The following RTN4 variants were observed in gnomAD, a reference collection of about 807,000 sequenced individuals.
The protein encoded by RTN4 is reticulon 4.
In RTN4, 32 loss-of-function variants were observed where a neutral mutation model predicts 90.4. The observed-to-expected ratio is 0.35, with a 90% CI of 0.27 to 0.48. RTN4 has a LOEUF of 0.48. Among genes scored for constraint, RTN4 ranks in the 20% least tolerant of loss-of-function variants. The probability of loss-of-function intolerance (pLI) is 0.99; values close to 1 mark genes in which losing one functional copy is unlikely to be tolerated. For missense variants in RTN4, 1,706 were observed against 1,430.2 expected (o/e 1.19, Z -3.11); for synonymous variants, 629 against 552.5 (o/e 1.14, Z -1.94).
intron 1 of RTN4, among the ~76,000 whole-genome samples, chr2:55,048,343 AT>A (rs1667887549): frequency 6.6e-6 from 1 of 152,186 alleles, no homozygotes; most frequent in South Asian, 2.1e-4. Flanking sequence ...TTATCTTTAG[AT>A]ATATTTTTTC....
chr2:55,052,667 G>T (rs1415247794), upstream of RTN4, among the ~76,000 whole-genome samples: 2 of 152,134 alleles, frequency 1.3e-5, no homozygotes, highest in Non-Finnish European at 2.9e-5. Flanking sequence ...GACTACAAGA[G>T]ACATATTTGA....
chr2:55,046,704 T>C (rs189581264), intron 1 of RTN4: 1 of 152,342 alleles, frequency 6.6e-6, no homozygotes, highest in African/African-American at 2.4e-5. Context: ...TCTTGGTAGG[T>C]AATCAATAAT....
At chr2:55,125,951 C>T in the RTN4 span, among the ~76,000 whole-genome samples, 1 of 150,914 alleles carries the variant, frequency 6.6e-6, no homozygotes, top group South Asian at 2.1e-4. Flanking sequence ...GTCCCAGCTA[C>T]TTGGGAGGCC....
At chr2:54,974,802 T>G (rs779895287) in intron 5 of RTN4, 38 bp from the exon 6 acceptor site, 1 of 1,558,146 alleles carries the variant, frequency 6.4e-7, no homozygotes, top group African/African-American at 1.4e-5. Flanking sequence ...TAAACAAAAT[T>G]CAAGTAAAGT....
chr2:55,066,889 A>G (rs980786443), intron 2 of RTN4, among the ~76,000 whole-genome samples: 2 of 152,132 alleles, frequency 1.3e-5, no homozygotes, highest in African/African-American at 4.8e-5. Context: ...GGTATATGAA[A>G]ACACTCATTT....
intron 3 of RTN4, among the ~76,000 whole-genome samples, chr2:55,017,832 A>G (rs1183537882): frequency 6.6e-6 from 1 of 152,188 alleles, no homozygotes; most frequent in African/African-American, 2.4e-5. Flanking sequence ...ACATCTTAAG[A>G]TGTCAAGAAA....
intron 2 of RTN4, among the ~76,000 whole-genome samples, chr2:55,064,953 C>T (rs1668363890): frequency 1.3e-5 from 2 of 152,032 alleles, no homozygotes; most frequent in African/African-American, 4.8e-5. Context: ...AAATTAATAG[C>T]TTTAATTTTC....
chr2:55,103,179 A>T (rs1454721209), intron 1 of RTN4, among the ~76,000 whole-genome samples: 1 of 152,068 alleles, frequency 6.6e-6, no homozygotes, highest in African/African-American at 2.4e-5. Context: ...TGAGTTTTAA[A>T]AGGATGCACC....
At chr2:55,080,404 T>C (rs1275843155) in intron 2 of RTN4, 11 of 152,010 alleles carry the variant, frequency 7.2e-5, no homozygotes, top group Admixed American at 7.2e-4. Context: ...GGTGGCAGTC[T>C]TGAGCAAAAT....
rs202189971 is a variant in RTN4 at position 54,972,578 on chromosome 2, G to C, written c.*578C>G. On this transcript the variant is annotated 3_prime_UTR_variant, in exon 9 of 9. Transcript: ENST00000337526. Reference sequence around the variant, plus strand: ...CACTGTGGGGTGGCTGGAAGGTAAAGGTCTAAGCTTTGTGAAACACTATAC... The same window carrying C: ...CACTGTGGGGTGGCTGGAAGGTAAACGTCTAAGCTTTGTGAAACACTATAC... 3 of 152,694 alleles carry C rather than the reference G, an allele frequency of 2.0e-5. No homozygotes were observed. The highest frequency in any genetic ancestry group is 4.2e-4 in the South Asian group (2 of 4,818). 9.5% of individuals were successfully genotyped at this position (152,694 alleles called of 1,614,324 possible). A position where few individuals can be genotyped will look rare whatever the true frequency, so the allele number is the denominator to read the frequency against.
chr2:55,049,621 C>T lies in RTN4; in HGVS notation c.556+124G>A, dbSNP rs1283247497. The T allele has an allele frequency of 4.7e-6, 7 of 1,485,918 alleles. 1 individual carries two copies. Among genetic ancestry groups the T allele is most frequent in the Non-Finnish European group, 6.4e-6 (7 of 1,092,346 alleles). The allele number at this position is 1,485,918 out of a possible 1,614,324, so 92.0% of individuals were successfully genotyped here. A position where few individuals can be genotyped will look rare whatever the true frequency, so the allele number is the denominator to read the frequency against. On this transcript the variant is annotated intron_variant, in intron 1 of 8. Transcript: ENST00000337526. ...TCCAACCAGACGGGGCGCCATCGCCCCGAAGTCCGCAGACAAAGCGCCCTC... is the reference window on the plus strand; with the variant it reads ...TCCAACCAGACGGGGCGCCATCGCCTCGAAGTCCGCAGACAAAGCGCCCTC...
the RTN4 span, among the ~76,000 whole-genome samples, chr2:55,127,671 T>C: frequency 6.6e-6 from 1 of 152,216 alleles, no homozygotes; most frequent in Non-Finnish European, 1.5e-5. Context: ...GCTCACTGAT[T>C]GGCTCACAGT....
upstream of RTN4, among the ~76,000 whole-genome samples, chr2:55,112,961 A>G (rs1668064431): frequency 6.6e-6 from 1 of 152,216 alleles, no homozygotes; most frequent in South Asian, 2.1e-4. Flanking sequence ...CTCTCTAGAC[A>G]CATGACAACA....
At chr2:55,109,239 T>A (rs771751297) in intron 1 of RTN4, among the ~76,000 whole-genome samples, 5 of 152,136 alleles carry the variant, frequency 3.3e-5, no homozygotes, top group Non-Finnish European at 5.9e-5. Flanking sequence ...AGCCATAATT[T>A]TTAGAACCCA....
intron 3 of RTN4, among the ~76,000 whole-genome samples, chr2:55,013,148 A>G (rs1573379830): frequency 6.6e-6 from 1 of 152,294 alleles, no homozygotes; most frequent in Middle Eastern, 3.4e-3. Context: ...GCAAGCCAAT[A>G]AAAGTGTTGT....
chr2:55,012,990 A>G (rs1209540617), intron 3 of RTN4, among the ~76,000 whole-genome samples: 1 of 152,204 alleles, frequency 6.6e-6, no homozygotes, highest in Non-Finnish European at 1.5e-5. Flanking sequence ...ACTTTTAAAA[A>G]AATTAATTCT....
Position 54,973,118 on chromosome 2 carries a change from C to T in RTN4, c.*38G>A. The stretch of plus-strand genomic sequence containing the variant: ...CCCCGTATAATCAAATGAATATCCC[C>T]TTTAAAGATGAACTCCTACTAATTA... On this transcript the variant is annotated 3_prime_UTR_variant, in exon 9 of 9. Transcript: ENST00000337526. 6.4e-7 allele frequency: 1 copy of T among 1,569,198 alleles called. No individual in the cohort carries two copies. Among genetic ancestry groups the T allele is most frequent in the Non-Finnish European group, 8.8e-7 (1 of 1,142,160 alleles).
In RTN4 at chr2:55,100,282, C is replaced by T. The variant is rs377520570; in HGVS notation, c.-214+12238G>A. ...ACTGGGGGCTTGGACAAGCCACATT[C>T]GTCTTGTCTTTCCTAGTTGAACACA... is the stretch of plus-strand genomic sequence containing the variant. On this transcript the variant is annotated intron_variant, in intron 1 of 3. Coordinates refer to the RTN4 transcript ENST00000427710. 3.3e-5 allele frequency among the ~76,000 whole-genome samples: 5 copies of T among 152,202 alleles called. No homozygotes were observed. The South Asian group carries it at 6.2e-4, about 19-fold the overall frequency.
chr2:55,050,100 T>A lies in RTN4; in HGVS notation c.201A>T (p.Pro67=). The part of the protein sequence containing the change: ...RKPAAGLSAA[P]VPTAPAAGAP... ...CGCCGGCGGCAGGGGCGGTGGGCAC[T>A]GGGGCCGCGGACAGCCCGGCGGCGG... is the stretch of plus-strand genomic sequence containing the variant. Residue 67 remains proline, a synonymous_variant, in exon 1 of 9, where the codon CCA becomes CCT. Coordinates refer to ENST00000337526, the MANE Select transcript of RTN4 (RefSeq NM_020532.5). This position sits in a 1 kb window ranked among gnomAD's most constrained non-coding sequence, Gnocchi z 4.6. 1 of 1,491,406 alleles carries A rather than the reference T, an allele frequency of 6.7e-7. No homozygotes were observed. The highest frequency in any genetic ancestry group is 8.9e-7 in the Non-Finnish European group (1 of 1,125,562). 92.4% of individuals were successfully genotyped at this position (1,491,406 alleles called of 1,614,324 possible).
Sources: gnomAD v4.1 joint callset for allele counts (sites outside exome capture counted in the v4.1 genomes callset) on GRCh38, gnomAD v4.1.1 for gene constraint, Gnocchi (gnomAD v3.1) non-coding constraint, MANE v1.5 for transcripts, NCBI Gene and HGNC (gene_info 2026-07-23, HGNC 2026-07-21) for gene names.